The following CSMD1 variants were observed in gnomAD, a reference collection of about 807,000 sequenced individuals.
The protein encoded by CSMD1 is CUB and sushi domain-containing protein 1.
CSMD1 carries 213 observed loss-of-function variants against 417.5 expected under a neutral mutation model. The ratio of observed to expected loss-of-function variants is 0.51; its 90% CI spans 0.46 to 0.57. The LOEUF (loss-of-function observed/expected upper bound fraction) is 0.57, where lower values mean the gene tolerates loss of function less well. CSMD1 is among the 20% of genes least tolerant of loss of function. The probability of loss-of-function intolerance (pLI) is 0.00; values close to 1 mark genes in which losing one functional copy is unlikely to be tolerated. For missense variants in CSMD1, 6,923 were observed against 4,529.7 expected (o/e 1.53, Z -15.17); for synonymous variants, 2,862 against 1,736.8 (o/e 1.65, Z -16.11).
chr8:4,241,398 C>G (rs1210625574), intron 3 of CSMD1, among the ~76,000 whole-genome samples: 1 of 152,194 alleles, frequency 6.6e-6, no homozygotes, highest in East Asian at 1.9e-4. Flanking sequence ...CACTTAAGTA[C>G]TTGCTAACCC....
intron 7 of CSMD1, among the ~76,000 whole-genome samples, chr8:3,658,296 T>A (rs991341439): frequency 1.3e-5 from 2 of 152,082 alleles, no homozygotes; most frequent in Admixed American, 6.6e-5. Context: ...TATTTGTGTA[T>A]AAACAATGGA....
At chr8:4,147,095 G>C (rs1804183439) in intron 3 of CSMD1, among the ~76,000 whole-genome samples, 1 of 151,724 alleles carries the variant, frequency 6.6e-6, no homozygotes, top group Admixed American at 6.6e-5. Context: ...TCCAATGACT[G>C]TTTAGAACCA....
At position 4,250,607 on chromosome 8, in the gene CSMD1, C is replaced by G. The variant is rs118029761; in HGVS notation, c.415+169346G>C. On this transcript the variant is annotated intron_variant, in intron 3 of 69. Transcript: ENST00000635120. ...TCATGTACGATTATAATTGATAGGT[C>G]TACCAAAATAGTACAGCAGTTCCTT... Among the ~76,000 whole-genome samples the G allele has an allele frequency of 2.4e-3, 362 of 152,258 alleles. 1 individual carries two copies. Among genetic ancestry groups the G allele is most frequent in the Middle Eastern group, 6.8e-3 (2 of 294 alleles).
intron 6 of CSMD1, among the ~76,000 whole-genome samples, chr8:3,751,823 G>C (rs1486086889): frequency 1.3e-5 from 2 of 152,088 alleles, no homozygotes; most frequent in Non-Finnish European, 2.9e-5. Context: ...CAAACGCTTA[G>C]AAATTTTTCT....
intron 6 of CSMD1, among the ~76,000 whole-genome samples, chr8:3,713,405 T>C (rs1801639475): frequency 6.6e-6 from 1 of 152,170 alleles, no homozygotes; most frequent in Non-Finnish European, 1.5e-5. Context: ...TGCTACTTGA[T>C]GCCACTTCTT....
intron 6 of CSMD1, among the ~76,000 whole-genome samples, chr8:3,745,750 A>G (rs1797035975): frequency 6.6e-6 from 1 of 152,218 alleles, no homozygotes; most frequent in Non-Finnish European, 1.5e-5. Flanking sequence ...CAGCTTCGCC[A>G]TTCAATTTCA....
At chr8:3,697,188 T>C (rs1477988816) in intron 7 of CSMD1, among the ~76,000 whole-genome samples, 1 of 152,194 alleles carries the variant, frequency 6.6e-6, no homozygotes, top group African/African-American at 2.4e-5. Context: ...GAGGCTAAAT[T>C]ATCAAGTCTG....
chr8:3,101,667 C>T (rs1261248291), intron 46 of CSMD1, among the ~76,000 whole-genome samples: 4 of 151,962 alleles, frequency 2.6e-5, no homozygotes, highest in South Asian at 2.1e-4. Context: ...CCTTGTGATC[C>T]GCTCCCCTCA....
intron 18 of CSMD1, among the ~76,000 whole-genome samples, chr8:3,374,041 C>A (rs1200964392): frequency 5.3e-5 from 8 of 151,152 alleles, no homozygotes; most frequent in Non-Finnish European, 8.8e-5. Flanking sequence ...CAACCTCTGC[C>A]TCCCGGGTTC....
intron 3 of CSMD1, among the ~76,000 whole-genome samples, chr8:4,155,821 G>C (rs946941828): frequency 3.9e-5 from 6 of 152,128 alleles, no homozygotes; most frequent in African/African-American, 1.2e-4. Flanking sequence ...AAGCTGCAAA[G>C]TCAATTAAAT....
At chr8:4,243,205 G>C in intron 3 of CSMD1, among the ~76,000 whole-genome samples, 1 of 152,098 alleles carries the variant, frequency 6.6e-6, no homozygotes, top group East Asian at 1.9e-4. Flanking sequence ...GGACATGGCA[G>C]AGCGATTGGC....
At chr8:3,650,909 C>A (rs779389195) in intron 7 of CSMD1, among the ~76,000 whole-genome samples, 1 of 152,180 alleles carries the variant, frequency 6.6e-6, no homozygotes, top group Non-Finnish European at 1.5e-5. Flanking sequence ...TCTTCTCAGA[C>A]TTCTGGTCTC....
At chr8:4,435,137 T>C (rs1167846653) in intron 2 of CSMD1, among the ~76,000 whole-genome samples, 1 of 152,166 alleles carries the variant, frequency 6.6e-6, no homozygotes, top group Admixed American at 6.5e-5. Context: ...TTTTAAAGTA[T>C]CAGTAATATA....
chr8:4,263,488 G>C (rs1804028852), intron 3 of CSMD1, among the ~76,000 whole-genome samples: 1 of 152,176 alleles, frequency 6.6e-6, no homozygotes, highest in African/African-American at 2.4e-5. Context: ...TCCAAATCCT[G>C]AAGCTCTGTC....
chr8:4,621,864 T>C (rs909207394), intron 2 of CSMD1, among the ~76,000 whole-genome samples: 1 of 152,016 alleles, frequency 6.6e-6, no homozygotes, highest in Non-Finnish European at 1.5e-5. Flanking sequence ...GAATGAGAAG[T>C]TGGATTAAAA....
chr8:4,347,123 A>C (rs963987162), intron 3 of CSMD1, among the ~76,000 whole-genome samples: 25 of 152,318 alleles, frequency 1.6e-4, no homozygotes, highest in African/African-American at 5.8e-4. Flanking sequence ...CAAGGCAGGA[A>C]AGATGAATGA....
chr8:4,447,544 A>G (rs547000510), intron 2 of CSMD1, among the ~76,000 whole-genome samples: 75 of 152,332 alleles, frequency 4.9e-4, no homozygotes, highest in Admixed American at 1.1e-3. Context: ...CACTCTACAG[A>G]TAACAGAGTA....
intron 2 of CSMD1, among the ~76,000 whole-genome samples, chr8:4,434,709 T>C (rs139224940): frequency 2.0e-5 from 3 of 152,182 alleles, no homozygotes; most frequent in Non-Finnish European, 4.4e-5. Flanking sequence ...AATGTTTTCA[T>C]GCCCCTGACA....
At chr8:3,675,037 A>T (rs1475453205) in intron 7 of CSMD1, among the ~76,000 whole-genome samples, 3 of 152,136 alleles carry the variant, frequency 2.0e-5, no homozygotes, top group Non-Finnish European at 4.4e-5. Context: ...ATTTAGGTGG[A>T]TGTATTAATA....
Sources: gnomAD v4.1 joint callset for allele counts (sites outside exome capture counted in the v4.1 genomes callset) on GRCh38, gnomAD v4.1.1 for gene constraint, MANE v1.5 for transcripts, NCBI Gene and HGNC (gene_info 2026-07-23, HGNC 2026-07-21) for gene names.